LYPD5: variants seen among roughly 807,000 people sequenced by gnomAD.
LYPD5 encodes the protein LY6/PLAUR domain containing 5.
A neutral mutation model predicts 19.1 loss-of-function variants in LYPD5; 21 were observed. The ratio of observed to expected loss-of-function variants is 1.10; its 90% CI spans 0.78 to 1.58. The LOEUF (loss-of-function observed/expected upper bound fraction) is 1.58, where lower values mean the gene tolerates loss of function less well. Ranked by LOEUF, LYPD5 falls within the 40% of genes most tolerant of loss-of-function variation. LYPD5 has a pLI of 0.00. For synonymous variants in LYPD5, 128 were observed against 142.7 expected, an observed-to-expected ratio of 0.90 and a Z score of 0.74; for missense variants, 287 against 329.8, an observed-to-expected ratio of 0.87 and a Z score of 1.00.
intron 4 of LYPD5, among the ~76,000 whole-genome samples, chr19:43,798,159 T>A (rs5011658): frequency 0.14 from 5,949 of 42,044 alleles, 32 homozygotes; most frequent in South Asian, 0.24. Context: ...GACCAGGGTC[T>A]TGCCTCCTCC....
chr19:43,800,258 G>A (rs1970205623), intron 1 of LYPD5, among the ~76,000 whole-genome samples: 2 of 152,130 alleles, frequency 1.3e-5, no homozygotes, highest in Admixed American at 1.3e-4. Context: ...GTAGTGCCCT[G>A]TAAACCCATA....
rs775408117 is a variant in LYPD5 at position 43,798,824 on chromosome 19, T to TG, written c.357dup (p.Asn120GlnfsTer26). 3 of 1,609,786 alleles carry TG rather than the reference T, an allele frequency of 1.9e-6. No individual in the cohort carries two copies. The East Asian group carries it at 6.7e-5, about 36-fold the overall frequency. ...CTCTCCCGCGCACCTTGGCTCAGGT[T>TG]GGGGAGGGCGTCATGAGTCATGAGG... On this transcript the variant is annotated frameshift_variant, in exon 3 of 5. Coordinates refer to ENST00000377950, the MANE Select transcript of LYPD5 (RefSeq NM_001031749.3). LOFTEE classifies it high-confidence loss of function.
At chr19:43,800,120 G>A (rs139333986) in intron 1 of LYPD5, 10 of 263,186 alleles carry the variant, frequency 3.8e-5, no homozygotes, top group Non-Finnish European at 7.4e-5. Flanking sequence ...CTTAGAATAG[G>A]AAGGAAAAGT....
upstream of LYPD5, chr19:43,802,550 G>T: frequency 1.7e-6 from 1 of 600,552 alleles, no homozygotes; most frequent in Non-Finnish European, 3.0e-6. Context: ...GAAACAGGGT[G>T]ATCCTCAGTT....
rs1457987264 is a variant in LYPD5, at chr19:43,798,561, G to A, written c.411C>T (p.Ala137=). 6.2e-6 allele frequency: 10 copies of A among 1,611,482 alleles called. No individual in the cohort carries two copies. The highest frequency in any genetic ancestry group is 7.6e-6 in the Non-Finnish European group (9 of 1,180,050). ...PPTLSGAECY[A]CIGVHQDDCA... ...AGTCATCCTGGTGGACCCCGATACA[G>A]GCGTAGCACTCGGCGCCGCTGAGCG... The change falls in exon 4 of 5, where the codon GCC becomes GCT. Residue 137 remains alanine, a synonymous_variant. Transcript: ENST00000377950.
chr19:43,806,583 C>A (rs1970271721), upstream of LYPD5, among the ~76,000 whole-genome samples: 1 of 152,040 alleles, frequency 6.6e-6, no homozygotes. Context: ...AATCCTTGAA[C>A]ACGGAAGGCG....
upstream of LYPD5, among the ~76,000 whole-genome samples, chr19:43,805,380 T>A (rs903952132): frequency 1.3e-5 from 2 of 152,242 alleles, no homozygotes; most frequent in African/African-American, 4.8e-5. Context: ...TTGCTTCCAG[T>A]CCTCATGTTC....
intron 1 of LYPD5, among the ~76,000 whole-genome samples, chr19:43,801,677 A>C (rs907450274): frequency 4.6e-5 from 7 of 152,226 alleles, no homozygotes; most frequent in African/African-American, 1.7e-4. Flanking sequence ...CTAAGACTTT[A>C]AAACCTATAC....
rs1366105853 is a variant in LYPD5 at position 43,798,910 on chromosome 19, T to A, written c.272A>T (p.Asp91Val). ...CACCGAGTAGTCTGGCGGCAGCGCG[T>A]CCGCGTTCGATTGCGTCTGGCCCGC... ...PPAGQTQSNADALPPDYSVVR... is the reference protein window; with the variant it reads ...PPAGQTQSNAVALPPDYSVVR... The change falls in exon 3 of 5, where the codon GAC (aspartate) becomes GTC (valine). Residue 91 changes from aspartate (D) to valine (V), a missense_variant. Coordinates refer to ENST00000377950, the MANE Select transcript of LYPD5 (RefSeq NM_001031749.3). The A allele has an allele frequency of 6.2e-7, 1 of 1,600,172 alleles. No homozygotes were observed. Among genetic ancestry groups the A allele is most frequent in the Non-Finnish European group, 8.5e-7 (1 of 1,173,902 alleles).
At chr19:43,800,953 G>A (rs1339327034) in intron 1 of LYPD5, among the ~76,000 whole-genome samples, 2 of 93,344 alleles carry the variant, frequency 2.1e-5, no homozygotes, top group Non-Finnish European at 4.2e-5. Context: ...GACAGAGGGA[G>A]ACTCTGTCTC....
At chr19:43,808,270 T>C (rs1042618906) in intron 1 of LYPD5, among the ~76,000 whole-genome samples, 1 of 152,148 alleles carries the variant, frequency 6.6e-6, no homozygotes, top group Non-Finnish European at 1.5e-5. Context: ...CACGCCTGGC[T>C]AATTTTTGTA....
At chr19:43,812,390 A>G (rs891427638) in intron 1 of LYPD5, among the ~76,000 whole-genome samples, 1 of 143,078 alleles carries the variant, frequency 7.0e-6, no homozygotes, top group Non-Finnish European at 1.5e-5. Flanking sequence ...TCTATCATCT[A>G]TCTATCCATC....
rs769832271 is a variant in LYPD5 at position 43,797,751 on chromosome 19, G to A, written c.596C>T (p.Thr199Ile). The A allele has an allele frequency of 1.9e-6, 3 of 1,613,966 alleles. No homozygotes were observed. The South Asian group carries it at 3.3e-5, about 18-fold the overall frequency. The change falls in exon 5 of 5, where the codon ACA becomes ATA. Residue 199 changes from threonine (T) to isoleucine (I), a missense_variant. Physicochemically the swap from Thr to Ile is moderately conservative, Grantham distance 89. Transcript: ENST00000377950. ...GCAGGAGCCCTGGAGGTCGATGGCT[G>A]TCCAGGGGCTGGTGGTGCCCTCGGT... ...CTTEGTTSPW[T>I]AIDLQGSCCE...
chr19:43,797,447 C>G lies in LYPD5; in HGVS notation c.*144G>C. The G allele has an allele frequency of 1.4e-6, 1 of 721,024 alleles. No individual in the cohort carries two copies. 44.7% of individuals were successfully genotyped at this position (721,024 alleles called of 1,614,324 possible). ...CAGTACTGTTGGCCAGGTTGTGGGGCACAAGGGCGGGAGAGATGGAAGGCC... is the reference window on the plus strand; with the variant it reads ...CAGTACTGTTGGCCAGGTTGTGGGGGACAAGGGCGGGAGAGATGGAAGGCC... On this transcript the variant is annotated 3_prime_UTR_variant, in exon 5 of 5. Transcript: ENST00000377950.
At chr19:43,798,653 G>A (rs539803228) in intron 3 of LYPD5, 52 bp from the exon 4 acceptor site, 1 of 1,607,404 alleles carries the variant, frequency 6.2e-7, no homozygotes, top group Non-Finnish European at 8.5e-7. Flanking sequence ...TGGCACAGTC[G>A]TGCGGGCTGC....
intron 1 of LYPD5, among the ~76,000 whole-genome samples, chr19:43,819,387 C>A (rs1273434436): frequency 6.7e-6 from 1 of 149,238 alleles, no homozygotes; most frequent in Non-Finnish European, 1.5e-5. Context: ...AGGGTTCAAG[C>A]GAGTCTCCTG....
chr19:43,801,989 G>A (rs562204950), intron 1 of LYPD5, among the ~76,000 whole-genome samples: 1 of 152,310 alleles, frequency 6.6e-6, no homozygotes, highest in East Asian at 1.9e-4. Context: ...GTTGGGCAAG[G>A]AAGAGAAGAA....
upstream of LYPD5, chr19:43,802,539 G>GGTATTT: frequency 3.3e-6 from 2 of 606,524 alleles, no homozygotes; most frequent in South Asian, 2.0e-5. Flanking sequence ...TAATCGTGAT[G>GGTATTT]GAAACAGGGT....
chr19:43,801,341 T>G (rs545752212), intron 1 of LYPD5, among the ~76,000 whole-genome samples: 5 of 151,884 alleles, frequency 3.3e-5, no homozygotes, highest in African/African-American at 1.2e-4. Context: ...CTCTACAAAA[T>G]CATACAAAAA....
Sources: gnomAD v4.1 joint callset for allele counts (sites outside exome capture counted in the v4.1 genomes callset) on GRCh38, gnomAD v4.1.1 for gene constraint, MANE v1.5 for transcripts, NCBI Gene and HGNC (gene_info 2026-07-23, HGNC 2026-07-21) for gene names.